WRN: variants seen among roughly 807,000 people sequenced by gnomAD.
The protein encoded by WRN is bifunctional 3'-5' exonuclease/ATP-dependent helicase WRN.
Under a neutral mutation model 180.7 loss-of-function variants are expected in WRN, and 149 were observed. That is an observed-to-expected ratio of 0.82 (90% confidence interval 0.72 to 0.94). WRN has a LOEUF of 0.94. Ranked by LOEUF, WRN falls within the 40% of genes least tolerant of loss-of-function variation. The pLI is 0.00. For missense variants in WRN, 1,661 were observed against 1,700.1 expected (o/e 0.98, Z 0.40); for synonymous variants, 548 against 568.9 (o/e 0.96, Z 0.52).
intron 23 of WRN, among the ~76,000 whole-genome samples, chr8:31,129,181 A>G (rs924531159): frequency 1.3e-5 from 2 of 152,162 alleles, no homozygotes; most frequent in African/African-American, 4.8e-5. Context: ...CAGTCTCAGT[A>G]TGTTGCCCAG....
At chr8:31,043,187 A>G (rs1257338429) in intron 1 of WRN, among the ~76,000 whole-genome samples, 3 of 152,212 alleles carry the variant, frequency 2.0e-5, no homozygotes, top group African/African-American at 7.2e-5. Context: ...GTATGCTTGT[A>G]AGATGGCTAC....
intron 16 of WRN, among the ~76,000 whole-genome samples, chr8:31,092,984 A>C (rs1351541343): frequency 6.6e-6 from 1 of 152,002 alleles, no homozygotes; most frequent in Non-Finnish European, 1.5e-5. Flanking sequence ...TCCTTCTGTC[A>C]CCCAGGCTAG....
Position 31,174,827 on chromosome 8 carries a change from C to CCTTCCTTCCTT in WRN, c.*1726_*1727insTTCCTTCCTTC, listed in dbSNP as rs1804222678. Reference sequence around the variant, plus strand: ...TTCCTTCCTTCCTTCCTTCCTCCCTCCCTCCCTCCCTCCCTCCCTCCCTCC... The same window carrying CCTTCCTTCCTT: ...TTCCTTCCTTCCTTCCTTCCTCCCTCCTTCCTTCCTTCCTCCCTCCCTCCCTCCCTCCCTCC... On this transcript the variant is annotated 3_prime_UTR_variant, in exon 35 of 35. Transcript: ENST00000298139. Among the ~76,000 whole-genome samples, 1 of 74,528 alleles carries CCTTCCTTCCTT rather than the reference C, an allele frequency of 1.3e-5. No individual in the cohort carries two copies. Among genetic ancestry groups the CCTTCCTTCCTT allele is most frequent in the Non-Finnish European group, 2.7e-5 (1 of 37,462 alleles). The allele number at this position is 74,528 out of a possible 152,430, so 48.9% of individuals were successfully genotyped here.
intron 7 of WRN, among the ~76,000 whole-genome samples, chr8:31,075,758 T>A (rs11574214): frequency 0.097 from 14,686 of 151,478 alleles, 774 homozygotes; most frequent in African/African-American, 0.13. Flanking sequence ...TTTATTTTGG[T>A]GCTGACTGGG....
chr8:31,043,779 C>T (rs1049767563), intron 1 of WRN, among the ~76,000 whole-genome samples: 1 of 152,108 alleles, frequency 6.6e-6, no homozygotes, highest in Non-Finnish European at 1.5e-5. Flanking sequence ...TGAAACTCCC[C>T]CTTCATATGC....
intron 17 of WRN, 108 bp downstream of exon 17, chr8:31,096,958 T>C (rs1458746178): frequency 2.9e-6 from 3 of 1,032,864 alleles, no homozygotes; most frequent in East Asian, 2.5e-5. Context: ...TTTCAAACAT[T>C]ACTTCCTCCA....
At chr8:31,147,027 T>C (rs1396729834) in intron 28 of WRN, 26 bp from the exon 29 acceptor site, 2 of 1,560,644 alleles carry the variant, frequency 1.3e-6, no homozygotes, top group Non-Finnish European at 1.7e-6. Flanking sequence ...AAGCTTTTAT[T>C]ATTTATTTTC....
At chr8:31,052,416 C>CT (rs1406772668) in intron 1 of WRN, among the ~76,000 whole-genome samples, 3 of 151,974 alleles carry the variant, frequency 2.0e-5, no homozygotes, top group African/African-American at 2.4e-5. Context: ...TTGAGACAGT[C>CT]TTGCTCTGTT....
At chr8:31,151,750 T>C (rs898274343) in intron 31 of WRN, among the ~76,000 whole-genome samples, 1 of 152,218 alleles carries the variant, frequency 6.6e-6, no homozygotes, top group African/African-American at 2.4e-5. Flanking sequence ...GAAACCTTTA[T>C]GAACCTTCTG....
intron 6 of WRN, among the ~76,000 whole-genome samples, chr8:31,067,591 A>G (rs984810887): frequency 2.6e-5 from 4 of 152,194 alleles, no homozygotes; most frequent in Non-Finnish European, 4.4e-5. Flanking sequence ...CTTATTTCTT[A>G]TATATAAAAT....
chr8:31,141,798 TG>T (rs1563376827), intron 26 of WRN, 23 bp downstream of exon 26: 1 of 1,601,548 alleles, frequency 6.2e-7, no homozygotes, highest in South Asian at 1.1e-5. Context: ...GTTTTTTTCT[TG>T]TAACTTCTGC....
intron 1 of WRN, among the ~76,000 whole-genome samples, chr8:31,054,847 A>G (rs538746884): frequency 2.0e-5 from 3 of 152,200 alleles, no homozygotes; most frequent in Non-Finnish European, 2.9e-5. Context: ...TCTGTCACCT[A>G]CATATTAAGC....
chr8:31,040,355 T>A (rs1156904594), intron 1 of WRN, among the ~76,000 whole-genome samples: 6 of 152,178 alleles, frequency 3.9e-5, no homozygotes, highest in African/African-American at 1.2e-4. Flanking sequence ...GTATAACAGC[T>A]AATTTAAAAG....
chr8:31,063,314 CTG>C (rs1192272480), intron 3 of WRN, among the ~76,000 whole-genome samples: 3 of 152,286 alleles, frequency 2.0e-5, no homozygotes, highest in Non-Finnish European at 2.9e-5. Context: ...TCCATTTTAA[CTG>C]TTATATCTTA....
intron 3 of WRN, among the ~76,000 whole-genome samples, chr8:31,062,229 G>A (rs1458857721): frequency 6.6e-6 from 1 of 151,926 alleles, no homozygotes; most frequent in Non-Finnish European, 1.5e-5. Context: ...GTGGTGGGAG[G>A]GTGAGTCTGG....
At chr8:31,146,308 A>G (rs945724420) in intron 28 of WRN, among the ~76,000 whole-genome samples, 2 of 147,496 alleles carry the variant, frequency 1.4e-5, no homozygotes, top group African/African-American at 5.2e-5. Flanking sequence ...ATATAATATG[A>G]TAATATTGTA....
intron 1 of WRN, among the ~76,000 whole-genome samples, chr8:31,051,762 C>T (rs1020403891): frequency 2.0e-5 from 3 of 152,132 alleles, no homozygotes; most frequent in African/African-American, 4.8e-5. Flanking sequence ...GATTAAAAAT[C>T]ACCACAATGG....
At chr8:31,050,198 T>C (rs1192671443) in intron 1 of WRN, among the ~76,000 whole-genome samples, 1 of 152,054 alleles carries the variant, frequency 6.6e-6, no homozygotes, top group African/African-American at 2.4e-5. Flanking sequence ...CAAAGATAAA[T>C]ATAGACATTG....
At chr8:31,136,145 G>A (rs554971769) in intron 24 of WRN, among the ~76,000 whole-genome samples, 2 of 152,186 alleles carry the variant, frequency 1.3e-5, no homozygotes, top group East Asian at 3.9e-4. Flanking sequence ...CACTACAGGT[G>A]CATGCCACCA....
Sources: allele counts gnomAD v4.1 joint callset (sites outside exome capture counted in the v4.1 genomes callset), GRCh38; gene constraint gnomAD v4.1.1; transcripts MANE v1.5; gene names NCBI Gene and HGNC (gene_info 2026-07-23, HGNC 2026-07-21).